RAI1: variants seen among roughly 807,000 people sequenced by gnomAD.
The protein encoded by RAI1 is retinoic acid induced 1.
A neutral mutation model predicts 123.8 loss-of-function variants in RAI1; 9 were observed. The ratio of observed to expected loss-of-function variants is 0.07; its 90% CI spans 0.04 to 0.13. RAI1 has a LOEUF of 0.13. RAI1 is among the 10% of genes least tolerant of loss of function. The probability of loss-of-function intolerance (pLI) is 1.00; values close to 1 mark genes in which losing one functional copy is unlikely to be tolerated. For synonymous variants in RAI1, 1,231 were observed against 1,127.3 expected, an observed-to-expected ratio of 1.09 and a Z score of -1.84; for missense variants, 2,256 against 2,545.8, an observed-to-expected ratio of 0.89 and a Z score of 2.45.
intron 1 of RAI1, among the ~76,000 whole-genome samples, chr17:17,688,696 A>G (rs2142861633): frequency 6.6e-6 from 1 of 151,510 alleles, no homozygotes; most frequent in Non-Finnish European, 1.5e-5. Flanking sequence ...CCTGAGTTCA[A>G]GTGATTGATT....
At chr17:17,760,855 T>C (rs769913966) in intron 2 of RAI1, among the ~76,000 whole-genome samples, 6 of 151,810 alleles carry the variant, frequency 4.0e-5, no homozygotes, top group African/African-American at 1.5e-4. Flanking sequence ...GCCAAAGAAG[T>C]TGGGGATTGA....
At position 17,796,981 on chromosome 17, in the gene RAI1, G is replaced by A. The variant is rs374370209; in HGVS notation, c.4033G>A (p.Ala1345Thr). The stretch of plus-strand genomic sequence containing the variant: ...CACCTCGCCCAGCCTCAAGAAGTTC[G>A]CATGTAAAGCGCCAGGGGCCTCTCC... ...KITSPSLKKF[A>T]CKAPGASPGN... The change falls in exon 3 of 6, where the codon GCA becomes ACA. Residue 1345 changes from alanine to threonine, a missense_variant. Transcript: ENST00000353383. This position sits in a 1 kb window ranked among gnomAD's most constrained non-coding sequence, Gnocchi z 5.8. 6 of 1,613,832 alleles carry A rather than the reference G, an allele frequency of 3.7e-6. No homozygotes were observed. Among genetic ancestry groups the A allele is most frequent in the African/African-American group, 1.3e-5 (1 of 75,056 alleles).
intron 2 of RAI1, among the ~76,000 whole-genome samples, chr17:17,790,005 A>C (rs2031955536): frequency 6.6e-6 from 1 of 152,030 alleles, no homozygotes; most frequent in African/African-American, 2.4e-5. Flanking sequence ...CCCAGGTTCA[A>C]AGGTCACCAT....
chr17:17,802,215 T>TA (rs1368340756), intron 3 of RAI1: 2 of 467,550 alleles, frequency 4.3e-6, no homozygotes, highest in Admixed American at 4.7e-5. Flanking sequence ...TTTTGAGACT[T>TA]AGAGGAGGAC....
At chr17:17,787,038 T>C (rs2031849570) in intron 2 of RAI1, among the ~76,000 whole-genome samples, 1 of 152,100 alleles carries the variant, frequency 6.6e-6, no homozygotes, top group Non-Finnish European at 1.5e-5. Context: ...GGAAACTCTG[T>C]CTCAAAAAAA....
chr17:17,728,388 C>T (rs981071242), intron 2 of RAI1, among the ~76,000 whole-genome samples: 7 of 152,176 alleles, frequency 4.6e-5, no homozygotes, highest in Non-Finnish European at 8.8e-5. Flanking sequence ...AAATGATCCG[C>T]ACGTTAATTA....
At chr17:17,769,971 C>T (rs1472130730) in intron 2 of RAI1, among the ~76,000 whole-genome samples, 3 of 152,232 alleles carry the variant, frequency 2.0e-5, no homozygotes, top group Admixed American at 6.5e-5. Context: ...AGCAGCGACA[C>T]GGGAGGACGG....
rs202232474 is a variant in RAI1, at chr17:17,797,727, C to T, written c.4779C>T (p.Pro1593=). 4.7e-5 allele frequency: 76 copies of T among 1,613,706 alleles called. 1 individual carries two copies. The highest frequency in any genetic ancestry group is 1.6e-4 in the Middle Eastern group (1 of 6,084). The stretch of plus-strand genomic sequence containing the variant: ...GGCTGAGGTCAGACAGCCGGACCCC[C>T]GCCTTCTCACCCTTCGTGCGGGTGG... ...CKRLRSDSRT[P]AFSPFVRVEK... The change falls in exon 3 of 6, where the codon CCC becomes CCT. Residue 1593 remains proline, a synonymous_variant. Transcript: ENST00000353383.
At position 17,797,870 on chromosome 17, in the gene RAI1, C is replaced by T. The variant is rs867812965; in HGVS notation, c.4922C>T (p.Ser1641Phe). Reference sequence around the variant, plus strand: ...TCTTCCTCATCCTCGTCCTCGTTCTCCTTGGATGCAGCCGGGGCCTCCCTG... The same window carrying T: ...TCTTCCTCATCCTCGTCCTCGTTCTTCTTGGATGCAGCCGGGGCCTCCCTG... ...ASSSSSSSSFSLDAAGASLAT... is the reference protein window; with the variant it reads ...ASSSSSSSSFFLDAAGASLAT... The change falls in exon 3 of 6, where the codon TCC (serine) becomes TTC (phenylalanine). Residue 1641 changes from serine to phenylalanine, a missense_variant. Coordinates refer to ENST00000353383, the MANE Select transcript of RAI1 (RefSeq NM_030665.4). 6.2e-7 allele frequency: 1 copy of T among 1,614,042 alleles called. No homozygotes were observed. The highest frequency in any genetic ancestry group is 2.2e-5 in the East Asian group (1 of 44,850).
At chr17:17,724,406 CTTTTT>C (rs771760855) in intron 2 of RAI1, among the ~76,000 whole-genome samples, 1 of 103,754 alleles carries the variant, frequency 9.6e-6, no homozygotes, top group Non-Finnish European at 1.9e-5. Flanking sequence ...TCTTTCTTTC[CTTTTT>C]TTTTTTTTTT....
rs2032281010 is a variant in RAI1 at position 17,796,903 on chromosome 17, C to T, written c.3955C>T (p.Leu1319=). 1 of 1,613,244 alleles carries T rather than the reference C, an allele frequency of 6.2e-7. No homozygotes were observed. Among genetic ancestry groups the T allele is most frequent in the Non-Finnish European group, 8.5e-7 (1 of 1,180,050 alleles). The change falls in exon 3 of 6, where the codon CTG becomes TTG. Residue 1319 remains leucine (L), a synonymous_variant. Transcript: ENST00000353383. This position sits in a 1 kb window ranked among gnomAD's most constrained non-coding sequence, Gnocchi z 5.8. ...CCAGGGGGCCATGAAGACCAAGGTG[C>T]TGCCACCCCGGAAGGGCCGGGGCCT... The part of the protein sequence containing the change: ...AFQGAMKTKV[L]PPRKGRGLKL...
At chr17:17,742,023 G>A (rs1014960349) in intron 2 of RAI1, among the ~76,000 whole-genome samples, 4 of 152,258 alleles carry the variant, frequency 2.6e-5, no homozygotes, top group Non-Finnish European at 4.4e-5. Context: ...TAATAAAAAG[G>A]AATTACGTTT....
intron 1 of RAI1, among the ~76,000 whole-genome samples, chr17:17,704,790 G>T (rs1353496955): frequency 6.6e-6 from 1 of 150,592 alleles, no homozygotes; most frequent in African/African-American, 2.4e-5. Context: ...TGTCCTTAGA[G>T]ATGTTGGCCA....
rs1442880437 is a variant in RAI1 at position 17,793,637 on chromosome 17, G to A, written c.689G>A (p.Gly230Glu). The A allele has an allele frequency of 3.1e-6, 5 of 1,613,240 alleles. No individual in the cohort carries two copies. In the South Asian group the frequency reaches 3.3e-5, roughly 11 times the overall value. ...STYSSSVQGG[G>E]QGAHSYKSCT... ...TACTCCTCCTCTGTCCAGGGTGGTG[G>A]GCAGGGGGCCCACTCCTATAAGAGT... The change falls in exon 3 of 6, where the codon GGG (glycine) becomes GAG (glutamate). Residue 230 changes from glycine to glutamate, a missense_variant. Transcript: ENST00000353383.
Position 17,795,559 on chromosome 17 carries a change from T to G in RAI1, c.2611T>G (p.Tyr871Asp). The G allele has an allele frequency of 1.2e-6, 2 of 1,608,822 alleles. No homozygotes were observed. Among genetic ancestry groups the G allele is most frequent in the South Asian group, 1.1e-5 (1 of 90,296 alleles). The part of the protein sequence containing the change: ...RKEDLEAEEE[Y>D]SSLCELLGSP... ...GGAGGACCTGGAAGCTGAGGAGGAG[T>G]ACTCCTCCCTATGTGAGCTCCTGGG... The change falls in exon 3 of 6, where the codon TAC (tyrosine) becomes GAC (aspartate). Residue 871 changes from tyrosine to aspartate, a missense_variant. This residue lies in a region of RAI1 where 566 missense variants were observed against 616.0 expected (regional missense o/e 0.92). Transcript: ENST00000353383. The surrounding 1 kb of genome is among the most constrained non-coding windows in gnomAD (Gnocchi z 5.9).
At chr17:17,728,524 C>T (rs1916165738) in intron 2 of RAI1, among the ~76,000 whole-genome samples, 1 of 152,170 alleles carries the variant, frequency 6.6e-6, no homozygotes, top group African/African-American at 2.4e-5. Flanking sequence ...GGTGGAGCCA[C>T]AGCCCACGGA....
intron 1 of RAI1, among the ~76,000 whole-genome samples, chr17:17,719,007 T>A (rs952562588): frequency 1.5e-4 from 23 of 152,122 alleles, no homozygotes; most frequent in African/African-American, 5.6e-4. Flanking sequence ...GCAAGATACA[T>A]CAGTGAATCC....
intron 2 of RAI1, among the ~76,000 whole-genome samples, chr17:17,754,731 G>GT (rs1214582511): frequency 1.3e-5 from 2 of 152,206 alleles, no homozygotes; most frequent in Non-Finnish European, 2.9e-5. Flanking sequence ...AGCCCTAAGC[G>GT]TTTTTGGGCA....
At chr17:17,780,074 C>CTTTTTTTT (rs1555563206) in intron 2 of RAI1, among the ~76,000 whole-genome samples, 7 of 76,910 alleles carry the variant, frequency 9.1e-5, no homozygotes, top group Admixed American at 1.5e-4. Flanking sequence ...TCCACCCAGG[C>CTTTTTTTT]TTTTTTTTAA....
Sources: gnomAD v4.1 joint callset for allele counts (sites outside exome capture counted in the v4.1 genomes callset) on GRCh38, gnomAD v4.1.1 for gene constraint, gnomAD v4.1.1 regional missense constraint, Gnocchi (gnomAD v3.1) non-coding constraint, MANE v1.5 for transcripts, NCBI Gene and HGNC (gene_info 2026-07-23, HGNC 2026-07-21) for gene names.